ATP13A4: variants seen among roughly 807,000 people sequenced by gnomAD.
The protein encoded by ATP13A4 is probable cation-transporting ATPase 13A4.
A neutral mutation model predicts 142.5 loss-of-function variants in ATP13A4; 114 were observed. The observed-to-expected ratio is 0.80, with a 90% CI of 0.69 to 0.93. The LOEUF is 0.93. Among genes scored for constraint, ATP13A4 ranks in the 40% least tolerant of loss-of-function variants. The pLI is 0.00. For synonymous variants in ATP13A4, 488 were observed against 514.8 expected (o/e 0.95, Z 0.70); for missense variants, 1,392 against 1,454.0 (o/e 0.96, Z 0.69).
chr3:193,574,545 C>A (rs1478843222), intron 2 of ATP13A4, among the ~76,000 whole-genome samples: 1 of 149,714 alleles, frequency 6.7e-6, no homozygotes, highest in African/African-American at 2.5e-5. Context: ...ATGGTGAAAC[C>A]CTGTCTGTAA....
At chr3:193,522,129 T>A (rs1324558948) in intron 1 of ATP13A4, among the ~76,000 whole-genome samples, 1 of 152,136 alleles carries the variant, frequency 6.6e-6, no homozygotes, top group Non-Finnish European at 1.5e-5. Flanking sequence ...TAAACAGATG[T>A]GTTTGGGGCT....
intron 1 of ATP13A4, among the ~76,000 whole-genome samples, chr3:193,542,223 T>C (rs375872886): frequency 1.1e-4 from 16 of 152,196 alleles, no homozygotes; most frequent in East Asian, 9.6e-4. Context: ...CCATTCACAA[T>C]TGCTACAAAG....
intron 2 of ATP13A4, among the ~76,000 whole-genome samples, chr3:193,579,658 G>T (rs1429591620): frequency 6.6e-6 from 1 of 152,130 alleles, no homozygotes; most frequent in African/African-American, 2.4e-5. Context: ...GAGAAATGAA[G>T]TAAGTCATTT....
intron 29 of ATP13A4, among the ~76,000 whole-genome samples, chr3:193,406,560 G>A (rs1285986534): frequency 3.3e-5 from 5 of 152,176 alleles, no homozygotes; most frequent in Admixed American, 6.5e-5. Context: ...CGTGAATCAC[G>A]TGGAGAAAGA....
Position 193,473,605 on chromosome 3 carries a change from T to C in ATP13A4, c.809-2612A>G, listed in dbSNP as rs74734879. Among the ~76,000 whole-genome samples, 981 of 152,340 alleles carry C rather than the reference T, an allele frequency of 6.4e-3. 16 individuals carry two copies. In the East Asian group the frequency reaches 0.079, roughly 12 times the overall value. ...ATAATAAATTTGCAATGGAGAAACC[T>C]GGCAGATACCATTTAATTAAGTAAT... is the stretch of plus-strand genomic sequence containing the variant. On this transcript the variant is annotated intron_variant, in intron 8 of 29. Coordinates refer to ENST00000342695, the MANE Select transcript of ATP13A4 (RefSeq NM_032279.4).
At chr3:193,429,595 G>T (rs568079764) in intron 25 of ATP13A4, among the ~76,000 whole-genome samples, 12 of 151,920 alleles carry the variant, frequency 7.9e-5, no homozygotes, top group African/African-American at 2.9e-4. Context: ...ACAAAAAATA[G>T]ATTAGAGTTA....
chr3:193,574,773 C>T (rs1724358883), intron 2 of ATP13A4, among the ~76,000 whole-genome samples: 1 of 152,062 alleles, frequency 6.6e-6, no homozygotes, highest in Non-Finnish European at 1.5e-5. Context: ...TGTAATGGGA[C>T]AAAACGTGTG....
chr3:193,527,249 T>C (rs144156570), intron 1 of ATP13A4, among the ~76,000 whole-genome samples: 78 of 152,252 alleles, frequency 5.1e-4, no homozygotes, highest in African/African-American at 1.8e-3. Context: ...GATTGGATCA[T>C]GGGGACGGTT....
chr3:193,404,970 G>C (rs182640244), intron 29 of ATP13A4, among the ~76,000 whole-genome samples: 186 of 152,280 alleles, frequency 1.2e-3, no homozygotes, highest in Non-Finnish European at 2.2e-3. Context: ...GGCAATTAAA[G>C]CTATCCACAC....
chr3:193,474,335 A>AC (rs1718803234), intron 8 of ATP13A4, among the ~76,000 whole-genome samples: 4 of 148,300 alleles, frequency 2.7e-5, no homozygotes, highest in African/African-American at 9.9e-5. Flanking sequence ...AAAAAAAAAA[A>AC]AAAAAAAAAA....
At position 193,474,811 on chromosome 3, in the gene ATP13A4, G is replaced by A. The variant is rs79773376; in HGVS notation, c.809-3818C>T. On this transcript the variant is annotated intron_variant, in intron 8 of 29. Transcript: ENST00000342695. ...AAAAGGAGTACATGAAAGGATGTGCGGGTCATGATCATGGAGCTACATGTC... is the reference window on the plus strand; with the variant it reads ...AAAAGGAGTACATGAAAGGATGTGCAGGTCATGATCATGGAGCTACATGTC... Among the ~76,000 whole-genome samples the A allele has an allele frequency of 2.4e-3, 360 of 152,006 alleles. 8 individuals carry two copies. The East Asian group carries it at 0.059, about 25-fold the overall frequency.
chr3:193,549,435 G>T (rs9819546), intron 1 of ATP13A4, among the ~76,000 whole-genome samples: 43,395 of 132,394 alleles, frequency 0.33, 6,443 homozygotes, highest in Non-Finnish European at 0.36. Context: ...TATATATATA[G>T]AGAGAGAGAG....
At chr3:193,540,321 C>T (rs1845942) in intron 1 of ATP13A4, among the ~76,000 whole-genome samples, 2 of 151,944 alleles carry the variant, frequency 1.3e-5, no homozygotes, top group African/African-American at 4.8e-5. Flanking sequence ...TCACATAGTT[C>T]TTCCTCATAC....
chr3:193,545,945 G>A lies in ATP13A4; in HGVS notation c.60+8795C>T, dbSNP rs190015152. On this transcript the variant is annotated intron_variant, in intron 1 of 29. Transcript: ENST00000342695. ...TAAATTTCTTAAGATGTTTCACAGC[G>A]ATTTTATCTGTTTTCAAAATGTTTA... is the stretch of plus-strand genomic sequence containing the variant. Among the ~76,000 whole-genome samples, 37 of 150,696 alleles carry A rather than the reference G, an allele frequency of 2.5e-4. 1 individual carries two copies. In the East Asian group the frequency reaches 6.8e-3, roughly 28 times the overall value.
At chr3:193,488,091 C>A (rs1051913277) in intron 7 of ATP13A4, among the ~76,000 whole-genome samples, 1 of 152,120 alleles carries the variant, frequency 6.6e-6, no homozygotes, top group Non-Finnish European at 1.5e-5. Flanking sequence ...TGGTGAAACA[C>A]CGTCTCGACT....
intron 9 of ATP13A4, among the ~76,000 whole-genome samples, chr3:193,469,891 A>G (rs1718519383): frequency 1.3e-5 from 2 of 152,232 alleles, no homozygotes; most frequent in Non-Finnish European, 2.9e-5. Flanking sequence ...GGTACTTGGC[A>G]CTGCAGAAGT....
intron 1 of ATP13A4, among the ~76,000 whole-genome samples, chr3:193,517,057 T>G (rs1482069178): frequency 6.6e-6 from 1 of 152,182 alleles, no homozygotes; most frequent in African/African-American, 2.4e-5. Flanking sequence ...ATTAAATTAG[T>G]TTCCCAAGCC....
In ATP13A4 at chr3:193,466,194, A is replaced by C. The variant is rs760877057; in HGVS notation, c.1115-12T>G. 6.4e-5 allele frequency: 104 copies of C among 1,613,464 alleles called. No homozygotes were observed. Among genetic ancestry groups the C allele is most frequent in the Non-Finnish European group, 7.8e-5 (92 of 1,179,784 alleles). On this transcript the variant is annotated splice_polypyrimidine_tract_variant and intron_variant, in intron 10 of 29. Coordinates refer to ENST00000342695, the MANE Select transcript of ATP13A4 (RefSeq NM_032279.4). ...TGCAGTGTTGAATCCTGGAACAACA[A>C]ACACACACCCCACACTCTCAGGAGA...
intron 8 of ATP13A4, among the ~76,000 whole-genome samples, chr3:193,480,325 G>T (rs569668661): frequency 6.6e-6 from 1 of 152,022 alleles, no homozygotes; most frequent in Non-Finnish European, 1.5e-5. Flanking sequence ...GAAATAACCA[G>T]CAGAATAAAC....
Sources: allele counts gnomAD v4.1 joint callset (sites outside exome capture counted in the v4.1 genomes callset), GRCh38; gene constraint gnomAD v4.1.1; transcripts MANE v1.5; gene names NCBI Gene and HGNC (gene_info 2026-07-23, HGNC 2026-07-21).